Variants in CRPPA observed in about 807,000 individuals in gnomAD.
CRPPA encodes CDP-L-ribitol pyrophosphorylase A, also known as D-ribitol-5-phosphate cytidylyltransferase.
A neutral mutation model predicts 52.0 loss-of-function variants in CRPPA; 43 were observed. The observed-to-expected ratio is 0.83, with a 90% CI of 0.65 to 1.07. The LOEUF is 1.07. Ranked by LOEUF, CRPPA falls within the 50% of genes least tolerant of loss-of-function variation. CRPPA has a pLI of 0.00. For synonymous variants in CRPPA, 250 were observed against 203.5 expected, an observed-to-expected ratio of 1.23 and a Z score of -1.94; for missense variants, 629 against 551.7, an observed-to-expected ratio of 1.14 and a Z score of -1.40.
Position 16,116,815 on chromosome 7 carries a change from G to A in CRPPA, c.1252-25016C>T, listed in dbSNP as rs778123735. ...GATTGAATCCTGGATCAGAAAAAGC[G>A]TATCAGAGGAACAAGAACAAAACAT... is the stretch of plus-strand genomic sequence containing the variant. On this transcript the variant is annotated intron_variant, in intron 9 of 9. Coordinates refer to ENST00000407010, the MANE Select transcript of CRPPA (RefSeq NM_001101426.4). Among the ~76,000 whole-genome samples, 9 of 152,240 alleles carry A rather than the reference G, an allele frequency of 5.9e-5. No individual in the cohort carries two copies. In the East Asian group the frequency reaches 9.6e-4, roughly 16 times the overall value.
intron 5 of CRPPA, among the ~76,000 whole-genome samples, chr7:16,282,896 T>A (rs1260863882): frequency 6.6e-5 from 10 of 152,090 alleles, no homozygotes. Context: ...CCTTTACTAC[T>A]AATGATAAAT....
At chr7:16,384,789 T>C (rs1288325668) in intron 2 of CRPPA, among the ~76,000 whole-genome samples, 2 of 151,598 alleles carry the variant, frequency 1.3e-5, no homozygotes, top group Non-Finnish European at 2.9e-5. Flanking sequence ...AATAGGAAAG[T>C]GATATCCTCC....
chr7:16,377,869 G>A (rs1036564929), intron 2 of CRPPA, among the ~76,000 whole-genome samples: 6 of 152,148 alleles, frequency 3.9e-5, no homozygotes, highest in Admixed American at 1.3e-4. Flanking sequence ...ACACGAGGTT[G>A]AGGCCCACCT....
intron 3 of CRPPA, among the ~76,000 whole-genome samples, chr7:16,338,813 C>CTT (rs59732453): frequency 6.9e-5 from 8 of 116,514 alleles, no homozygotes; most frequent in East Asian, 4.8e-4. Flanking sequence ...TTCTAGCAAA[C>CTT]TTTTTTTTTT....
rs369074305 is a variant in CRPPA at position 16,355,594 on chromosome 7, C to A, written c.684+20498G>T. On this transcript the variant is annotated intron_variant, in intron 3 of 9. Coordinates refer to ENST00000407010, the MANE Select transcript of CRPPA (RefSeq NM_001101426.4). ...AGTCAGAGTTAGAAAGTGTTTTAGT[C>A]CAAACTCCTCAGTTACAGGTATGGA... 5.9e-5 allele frequency among the ~76,000 whole-genome samples: 9 copies of A among 152,270 alleles called. No homozygotes were observed. In the East Asian group the frequency reaches 1.7e-3, roughly 29 times the overall value.
intron 3 of CRPPA, among the ~76,000 whole-genome samples, chr7:16,314,392 G>C (rs1785098934): frequency 6.6e-6 from 1 of 151,928 alleles, no homozygotes; most frequent in Non-Finnish European, 1.5e-5. Flanking sequence ...CATCCCTTAG[G>C]TCATTGTCAT....
intron 9 of CRPPA, among the ~76,000 whole-genome samples, chr7:16,131,448 A>AT (rs1251781369): frequency 2.6e-5 from 4 of 152,234 alleles, no homozygotes; most frequent in Non-Finnish European, 5.9e-5. Flanking sequence ...GATTCTTGTT[A>AT]TAAAGTGGCT....
chr7:16,335,788 G>C (rs1785665643), intron 3 of CRPPA, among the ~76,000 whole-genome samples: 1 of 152,154 alleles, frequency 6.6e-6, no homozygotes, highest in Non-Finnish European at 1.5e-5. Context: ...GAGATTACCA[G>C]TCAAACCCAG....
chr7:16,219,901 C>A (rs1233958888), intron 8 of CRPPA, among the ~76,000 whole-genome samples: 1 of 148,990 alleles, frequency 6.7e-6, no homozygotes, highest in East Asian at 2.0e-4. Flanking sequence ...TGAAACTATT[C>A]CAATCAACAG....
At chr7:16,226,178 T>C (rs2128401554) in intron 8 of CRPPA, among the ~76,000 whole-genome samples, 1 of 152,050 alleles carries the variant, frequency 6.6e-6, no homozygotes, top group Non-Finnish European at 1.5e-5. Context: ...AGGAAATAGA[T>C]AATCTAATAA....
intron 9 of CRPPA, among the ~76,000 whole-genome samples, chr7:16,119,684 T>A (rs1335516948): frequency 6.6e-6 from 1 of 152,230 alleles, no homozygotes; most frequent in Non-Finnish European, 1.5e-5. Flanking sequence ...TTTGGTTCAC[T>A]ATATTCACCA....
chr7:16,139,921 T>C (rs1027138184), intron 9 of CRPPA, among the ~76,000 whole-genome samples: 1 of 152,142 alleles, frequency 6.6e-6, no homozygotes, highest in Non-Finnish European at 1.5e-5. Flanking sequence ...TGCAGAAAAG[T>C]ATCTTGTTTG....
intron 5 of CRPPA, among the ~76,000 whole-genome samples, chr7:16,287,196 A>G (rs73684122): frequency 0.021 from 3,241 of 152,300 alleles, 108 homozygotes; most frequent in African/African-American, 0.072. Flanking sequence ...TCACAGGCAT[A>G]AAATTGTCAA....
intron 9 of CRPPA, among the ~76,000 whole-genome samples, chr7:16,123,371 T>C (rs1185948481): frequency 2.0e-5 from 3 of 152,014 alleles, no homozygotes; most frequent in Non-Finnish European, 4.4e-5. Flanking sequence ...AGATAAGCCA[T>C]AAGAGACTCA....
At chr7:16,296,415 TA>T (rs1393854175) in intron 5 of CRPPA, among the ~76,000 whole-genome samples, 3 of 152,204 alleles carry the variant, frequency 2.0e-5, no homozygotes, top group Non-Finnish European at 2.9e-5. Flanking sequence ...TGGTGACAAG[TA>T]AATTTTGGAG....
intron 3 of CRPPA, among the ~76,000 whole-genome samples, chr7:16,312,288 GT>G (rs1200880283): frequency 2.0e-5 from 3 of 151,928 alleles, no homozygotes; most frequent in Admixed American, 6.6e-5. Flanking sequence ...GTTCTTTGAA[GT>G]CTTTCAGAGT....
intron 8 of CRPPA, among the ~76,000 whole-genome samples, chr7:16,230,441 T>C (rs899452059): frequency 1.3e-5 from 2 of 152,164 alleles, no homozygotes; most frequent in Admixed American, 6.5e-5. Context: ...TATTTTCACC[T>C]CCAGGATTTG....
At chr7:16,178,583 C>G (rs150997644) in intron 9 of CRPPA, among the ~76,000 whole-genome samples, 73 of 152,172 alleles carry the variant, frequency 4.8e-4, no homozygotes, top group African/African-American at 1.7e-3. Context: ...AATCATTTCA[C>G]TGTATCTCTC....
chr7:16,153,726 T>C (rs1484575608), intron 9 of CRPPA, among the ~76,000 whole-genome samples: 3 of 152,140 alleles, frequency 2.0e-5, no homozygotes, highest in African/African-American at 7.2e-5. Context: ...GTCACTGATA[T>C]CATGAGGTCC....
Sources: allele counts gnomAD v4.1 joint callset (sites outside exome capture counted in the v4.1 genomes callset), GRCh38; gene constraint gnomAD v4.1.1; transcripts MANE v1.5; gene names NCBI Gene and HGNC (gene_info 2026-07-23, HGNC 2026-07-21).